Variants in MROH2B observed in about 807,000 individuals in gnomAD.
The protein encoded by MROH2B is maestro heat-like repeat-containing protein family member 2B.
MROH2B carries 177 observed loss-of-function variants against 208.6 expected under a neutral mutation model. That is an observed-to-expected ratio of 0.85 (90% CI 0.75 to 0.96). The LOEUF (loss-of-function observed/expected upper bound fraction) is 0.96, where lower values mean the gene tolerates loss of function less well. MROH2B is among the 40% of genes least tolerant of loss of function. MROH2B has a pLI of 0.00. For synonymous variants in MROH2B, 728 were observed against 659.0 expected, an observed-to-expected ratio of 1.10 and a Z score of -1.60; for missense variants, 2,002 against 1,878.7, an observed-to-expected ratio of 1.07 and a Z score of -1.21.
chr5:41,002,981 AT>A (rs1425261508), intron 37 of MROH2B, among the ~76,000 whole-genome samples: 1 of 138,626 alleles, frequency 7.2e-6, no homozygotes, highest in East Asian at 2.1e-4. Context: ...TTTTTTTGAG[AT>A]GGAGTTTCAC....
chr5:41,033,959 CAAT>C, intron 21 of MROH2B, 95 bp from the exon 22 acceptor site: 1 of 1,521,558 alleles, frequency 6.6e-7, no homozygotes, highest in Non-Finnish European at 8.9e-7. Flanking sequence ...ACCTGAAGGA[CAAT>C]AGTAAAGCAG....
At chr5:40,998,559 TC>T in intron 41 of MROH2B, 52 bp downstream of exon 41, 1 of 1,440,950 alleles carries the variant, frequency 6.9e-7, no homozygotes, top group Non-Finnish European at 9.6e-7. Flanking sequence ...CAATATTTTC[TC>T]TTTTCCTAAG....
rs375950877 is a variant in MROH2B at position 41,064,632 on chromosome 5, A to G, written c.362-62T>C. ...ATCTTCTCAAATTTGGGGTTCTGTG[A>G]CTCCAAATCAACAAGAAGCATTTCA... On this transcript the variant is annotated intron_variant, in intron 4 of 41. Transcript: ENST00000399564. 3.9e-6 allele frequency: 5 copies of G among 1,266,882 alleles called. No individual in the cohort carries two copies. In the Admixed American group the frequency reaches 5.8e-5, roughly 15 times the overall value. 78.5% of individuals were successfully genotyped at this position (1,266,882 alleles called of 1,614,324 possible).
At chr5:41,052,181 T>G (rs1443002349) in intron 12 of MROH2B, among the ~76,000 whole-genome samples, 1 of 147,188 alleles carries the variant, frequency 6.8e-6, no homozygotes, top group South Asian at 2.2e-4. Flanking sequence ...ACCTATCTTG[T>G]GTTTATTATA....
rs776904759 is a variant in MROH2B, at chr5:41,057,563, C to CT, written c.757-204dup. Among the ~76,000 whole-genome samples the CT allele has an allele frequency of 8.2e-5, 6 of 73,234 alleles. 1 individual carries two copies. The highest frequency in any genetic ancestry group is 1.2e-4 in the Non-Finnish European group (5 of 41,516). 48.0% of individuals were successfully genotyped at this position (73,234 alleles called of 152,430 possible). A position where few individuals can be genotyped will look rare whatever the true frequency, so the allele number is the denominator to read the frequency against. On this transcript the variant is annotated intron_variant, in intron 7 of 41. Coordinates refer to ENST00000399564, the MANE Select transcript of MROH2B (RefSeq NM_173489.5). ...ATGAATGAATGAACGAATATCCCTCCTTTTTTTTTTTGAGACGGAGTCTTG... is the reference window on the plus strand; with the variant it reads ...ATGAATGAATGAACGAATATCCCTCCTTTTTTTTTTTTGAGACGGAGTCTTG...
At chr5:41,011,649 T>C (rs1240033491) in intron 30 of MROH2B, among the ~76,000 whole-genome samples, 1 of 151,136 alleles carries the variant, frequency 6.6e-6, no homozygotes, top group Non-Finnish European at 1.5e-5. Context: ...TGCTTTCATT[T>C]AGTGAAAGAT....
intron 41 of MROH2B, 72 bp from the exon 42 acceptor site, chr5:40,998,230 A>T: frequency 7.8e-7 from 1 of 1,285,198 alleles, no homozygotes; most frequent in Non-Finnish European, 1.1e-6. Flanking sequence ...AACCAAGCCA[A>T]GGCCCAACTT....
intron 5 of MROH2B, among the ~76,000 whole-genome samples, chr5:41,062,202 G>GCATAAATAGC (rs1448997405): frequency 6.6e-6 from 1 of 152,072 alleles, no homozygotes; most frequent in Non-Finnish European, 1.5e-5. Context: ...ACAGAATATA[G>GCATAAATAGC]CATAAATAGC....
chr5:41,018,994 T>C lies in MROH2B; in HGVS notation c.2466A>G (p.Leu822=). 2 of 1,613,820 alleles carry C rather than the reference T, an allele frequency of 1.2e-6. No individual in the cohort carries two copies. The highest frequency in any genetic ancestry group is 1.7e-6 in the Non-Finnish European group (2 of 1,179,838). ...CCTCAAGAATGTTAAGGTGGTCTTG[T>C]AGTGAGAGCTGAGGTTTCAGTTTAC... ...YLSKLKPQLS[L]QDHLNILEEN... Residue 822 remains leucine (L), a synonymous_variant, in exon 25 of 42, where the codon CTA becomes CTG. Coordinates refer to ENST00000399564, the MANE Select transcript of MROH2B (RefSeq NM_173489.5).
chr5:41,017,384 C>T lies in MROH2B; in HGVS notation c.2884+466G>A, dbSNP rs371794595. Among the ~76,000 whole-genome samples, 78 of 152,258 alleles carry T rather than the reference C, an allele frequency of 5.1e-4. 2 individuals are homozygous for T. Among genetic ancestry groups the T allele is most frequent in the African/African-American group, 1.6e-3 (67 of 41,538 alleles). On this transcript the variant is annotated intron_variant, in intron 28 of 41. Coordinates refer to ENST00000399564, the MANE Select transcript of MROH2B (RefSeq NM_173489.5). ...GAGCTTTGAAAGGCACTTAGTACCA[C>T]GATAATAGTGCAATTTTCTCTGAAG...
At position 41,018,675 on chromosome 5, in the gene MROH2B, TG is replaced by T. The variant is rs1742037896; in HGVS notation, c.2673+15del. On this transcript the variant is annotated intron_variant, in intron 26 of 41. Transcript: ENST00000399564. ...TAGGGAGAATGAGAATCAGTTTGAG[TG>T]GAGGCTCTACTCACATTAAACATTT... 1 of 1,611,508 alleles carries T rather than the reference TG, an allele frequency of 6.2e-7. No homozygotes were observed. The highest frequency in any genetic ancestry group is 1.3e-5 in the African/African-American group (1 of 74,876).
chr5:41,041,272 T>A (rs940094691), intron 19 of MROH2B, among the ~76,000 whole-genome samples: 6 of 152,222 alleles, frequency 3.9e-5, no homozygotes, highest in Non-Finnish European at 4.4e-5. Context: ...ACTTTTTTTA[T>A]ACTGGTGGTC....
Position 41,070,096 on chromosome 5 carries a change from C to T in MROH2B, c.29-344G>A, listed in dbSNP as rs1179243766. On this transcript the variant is annotated intron_variant, in intron 1 of 41. Transcript: ENST00000399564. ...AGTCAATGAGGTGAATTTCTCACTC[C>T]TGACTTAAGCATTAGAAGGCAGGGG... Among the ~76,000 whole-genome samples, 77 of 152,082 alleles carry T rather than the reference C, an allele frequency of 5.1e-4. 2 individuals are homozygous for T. The highest frequency in any genetic ancestry group is 5.0e-3 in the Admixed American group (77 of 15,248).
At chr5:41,005,804 G>A (rs1452112184) in intron 34 of MROH2B, among the ~76,000 whole-genome samples, 159 bp from the exon 35 acceptor site, 2 of 152,124 alleles carry the variant, frequency 1.3e-5, no homozygotes, top group African/African-American at 2.4e-5. Flanking sequence ...GCCGAGGCAG[G>A]TGGATTGCCT....
At position 41,004,762 on chromosome 5, in the gene MROH2B, A is replaced by T. The variant is rs764802605; in HGVS notation, c.4011+12T>A. 6.2e-7 allele frequency: 1 copy of T among 1,607,682 alleles called. No individual in the cohort carries two copies. The highest frequency in any genetic ancestry group is 1.7e-5 in the Admixed American group (1 of 58,238). ...ACTTAAATGAACCATTTCCCCTTAA[A>T]ACGCCTTTTACCTTGTGAGGAGCCC... is the stretch of plus-strand genomic sequence containing the variant. On this transcript the variant is annotated intron_variant, in intron 36 of 41. Coordinates refer to ENST00000399564, the MANE Select transcript of MROH2B (RefSeq NM_173489.5).
rs1742619229 is a variant in MROH2B at position 41,032,840 on chromosome 5, G to T, written c.2362-19C>A. 1.2e-6 allele frequency: 2 copies of T among 1,603,960 alleles called. No homozygotes were observed. The highest frequency in any genetic ancestry group is 1.7e-6 in the Non-Finnish European group (2 of 1,174,366). ...TGAAGTCCTGAAACATAAATAAGGAGATTAAATGTTTCAGAAAGGCTCAGG... is the reference window on the plus strand; with the variant it reads ...TGAAGTCCTGAAACATAAATAAGGATATTAAATGTTTCAGAAAGGCTCAGG... On this transcript the variant is annotated intron_variant, in intron 23 of 41. Transcript: ENST00000399564.
Position 41,057,110 on chromosome 5 carries a change from T to C in MROH2B, c.918A>G (p.Leu306=). 1 of 1,613,996 alleles carries C rather than the reference T, an allele frequency of 6.2e-7. No homozygotes were observed. The highest frequency in any genetic ancestry group is 2.2e-5 in the East Asian group (1 of 44,892). ...AAGCCTTCTGGATGCTGGTCCTACC[T>C]AGAATGAGAAAACAGCTTGAAGCTT... is the stretch of plus-strand genomic sequence containing the variant. ...EMKASSCFLI[L]AHSNPGELME... Residue 306 remains leucine (L), a splice_region_variant and synonymous_variant, in exon 9 of 42, where the codon CTA becomes CTG. Transcript: ENST00000399564.
intron 19 of MROH2B, among the ~76,000 whole-genome samples, chr5:41,040,791 G>A (rs1000488588): frequency 1.3e-5 from 2 of 151,756 alleles, no homozygotes; most frequent in African/African-American, 2.4e-5. Context: ...TCAGCCTCCC[G>A]AGTAGCTGGG....
In MROH2B at chr5:40,998,690, G is replaced by A. The variant is rs1741288437; in HGVS notation, c.4586-13C>T. 8 of 1,569,094 alleles carry A rather than the reference G, an allele frequency of 5.1e-6. No individual in the cohort carries two copies. Among genetic ancestry groups the A allele is most frequent in the Admixed American group, 1.9e-5 (1 of 53,472 alleles). On this transcript the variant is annotated splice_polypyrimidine_tract_variant and intron_variant, in intron 40 of 41. Coordinates refer to ENST00000399564, the MANE Select transcript of MROH2B (RefSeq NM_173489.5). The stretch of plus-strand genomic sequence containing the variant: ...AGAACAACGGCATCTAAAGTTAATA[G>A]GAGACCATGTTACTGATTTCATTAT...
Sources: allele counts gnomAD v4.1 joint callset (sites outside exome capture counted in the v4.1 genomes callset), GRCh38; gene constraint gnomAD v4.1.1; transcripts MANE v1.5; gene names NCBI Gene and HGNC (gene_info 2026-07-23, HGNC 2026-07-21).